The following HNRNPM variants were observed in gnomAD, a reference collection of about 807,000 sequenced individuals.
HNRNPM encodes the protein CEA receptor.
HNRNPM carries 11 observed loss-of-function variants against 73.1 expected under a neutral mutation model. That is an observed-to-expected ratio of 0.15 (90% CI 0.09 to 0.25). HNRNPM has a LOEUF of 0.25. HNRNPM is among the 10% of genes least tolerant of loss of function. HNRNPM has a pLI of 1.00. For synonymous variants in HNRNPM, 407 were observed against 355.2 expected (o/e 1.15, Z -1.64); for missense variants, 789 against 1,067.9 (o/e 0.74, Z 3.64).
In HNRNPM at chr19:8,462,171, G is replaced by A. The variant is rs991033267; in HGVS notation, c.284-358G>A. On this transcript the variant is annotated intron_variant, in intron 2 of 15. Coordinates refer to ENST00000325495, the MANE Select transcript of HNRNPM (RefSeq NM_005968.5). This position sits in a 1 kb window ranked among gnomAD's most constrained non-coding sequence, Gnocchi z 4.5. ...TCACCTGCTTGCCACCAATGAGAGC[G>A]TATGTGTAAAACCTCCTCCCTTCCC... The A allele has an allele frequency of 8.7e-6, 2 of 231,142 alleles. No homozygotes were observed. Among genetic ancestry groups the A allele is most frequent in the African/African-American group, 2.2e-5 (1 of 44,896 alleles). The allele number at this position is 231,142 out of a possible 1,614,324, so 14.3% of individuals were successfully genotyped here. A position where few individuals can be genotyped will look rare whatever the true frequency, so the allele number is the denominator to read the frequency against.
In HNRNPM at chr19:8,486,318, C is replaced by T. The variant is rs150750625; in HGVS notation, c.1890C>T (p.Phe630=). Residue 630 remains phenylalanine, a synonymous_variant, in exon 14 of 16, where the codon TTC becomes TTT. Transcript: ENST00000325495. ...DRAIEMERGN[F]GGSFAGSFGG... ...CCATCGAGATGGAGCGTGGCAACTT[C>T]GGAGGAAGCTTCGCAGGTTCCTTTG... 1.0e-4 allele frequency: 165 copies of T among 1,600,040 alleles called. No homozygotes were observed. The highest frequency in any genetic ancestry group is 6.8e-4 in the Admixed American group (41 of 60,020).
chr19:8,462,700 T>TTGA lies in HNRNPM; in HGVS notation c.336+121_336+123dup. 1.1e-6 allele frequency: 1 copy of TTGA among 872,332 alleles called. No homozygotes were observed. Among genetic ancestry groups the TTGA allele is most frequent in the Non-Finnish European group, 1.9e-6 (1 of 518,158 alleles). The allele number at this position is 872,332 out of a possible 1,614,324, so 54.0% of individuals were successfully genotyped here. A position where few individuals can be genotyped will look rare whatever the true frequency, so the allele number is the denominator to read the frequency against. On this transcript the variant is annotated intron_variant, in intron 3 of 15. Transcript: ENST00000325495. This position sits in a 1 kb window ranked among gnomAD's most constrained non-coding sequence, Gnocchi z 4.5. ...AGTGCTCATGTTACAGTAGCTATGT[T>TTGA]TGATTTTGCCAAACATTTGAGTGGG...
At chr19:8,472,268 A>G (rs1173773568) in intron 10 of HNRNPM, among the ~76,000 whole-genome samples, 1 of 151,008 alleles carries the variant, frequency 6.6e-6, no homozygotes, top group Admixed American at 6.6e-5. Context: ...GTAATGATGT[A>G]TTTTGATTCT....
rs151084883 is a variant in HNRNPM, at chr19:8,464,362, C to T, written c.438+676C>T. ...GTTGATTAAATCCCTCTTGGCTGGG[C>T]GCAGTGGCTCACGCCTGTAATCCCC... is the stretch of plus-strand genomic sequence containing the variant. On this transcript the variant is annotated intron_variant, in intron 5 of 15. Coordinates refer to ENST00000325495, the MANE Select transcript of HNRNPM (RefSeq NM_005968.5). Among the ~76,000 whole-genome samples, 126 of 152,258 alleles carry T rather than the reference C, an allele frequency of 8.3e-4. No individual in the cohort carries two copies. The East Asian group carries it at 0.014, about 17-fold the overall frequency.
chr19:8,450,443 C>T (rs961219980), intron 1 of HNRNPM, among the ~76,000 whole-genome samples: 3 of 152,122 alleles, frequency 2.0e-5, no homozygotes, highest in Non-Finnish European at 4.4e-5. Flanking sequence ...TGGAGTTTCA[C>T]TCTTGTCCCT....
rs778501992 is a variant in HNRNPM, at chr19:8,445,044, A to C, written c.46A>C (p.Ile16Leu). 1.3e-5 allele frequency: 18 copies of C among 1,429,898 alleles called. No individual in the cohort carries two copies. Among genetic ancestry groups the C allele is most frequent in the Admixed American group, 3.4e-5 (1 of 29,048 alleles). 88.6% of individuals were successfully genotyped at this position (1,429,898 alleles called of 1,614,324 possible). A position where few individuals can be genotyped will look rare whatever the true frequency, so the allele number is the denominator to read the frequency against. Residue 16 changes from isoleucine (I) to leucine (L), a missense_variant, in exon 1 of 16, where the codon ATC (isoleucine) becomes CTC (leucine). Physicochemically the swap from Ile to Leu is conservative, Grantham distance 5 (BLOSUM62 2). This residue lies in a region of HNRNPM where 79 missense variants were observed against 70.7 expected (regional missense o/e 1.12). Coordinates refer to ENST00000325495, the MANE Select transcript of HNRNPM (RefSeq NM_005968.5). The part of the protein sequence containing the change: ...EAAAEVAATE[I>L]KMEEESGAPG... ...GGCGGCGGAGGTGGCGGCGACGGAG[A>C]TCAAAATGGAGGAAGAGAGCGGCGC...
Position 8,488,857 on chromosome 19 carries a change from A to G in HNRNPM, c.*3A>G, listed in dbSNP as rs1971507215. 1 of 1,602,286 alleles carries G rather than the reference A, an allele frequency of 6.2e-7. No homozygotes were observed. The highest frequency in any genetic ancestry group is 8.5e-7 in the Non-Finnish European group (1 of 1,171,496). ...TTCGAATTGATAGAAACGCTTAAGC[A>G]GTTGCCTTTTTTAAACATCGATACG... On this transcript the variant is annotated 3_prime_UTR_variant, in exon 16 of 16. Coordinates refer to ENST00000325495, the MANE Select transcript of HNRNPM (RefSeq NM_005968.5).
intron 9 of HNRNPM, among the ~76,000 whole-genome samples, chr19:8,470,528 A>T (rs980443441): frequency 3.3e-5 from 5 of 151,784 alleles, no homozygotes; most frequent in African/African-American, 1.2e-4. Context: ...GGGTTTTGCC[A>T]TGTTGGCCAG....
chr19:8,456,720 T>C (rs931565781), intron 2 of HNRNPM, among the ~76,000 whole-genome samples: 3 of 152,176 alleles, frequency 2.0e-5, no homozygotes, highest in Non-Finnish European at 2.9e-5. Flanking sequence ...GACCATGACA[T>C]GCAAGAAGCA....
intron 9 of HNRNPM, among the ~76,000 whole-genome samples, chr19:8,469,539 T>C (rs1412458609): frequency 6.6e-6 from 1 of 152,172 alleles, no homozygotes; most frequent in African/African-American, 2.4e-5. Context: ...GATCAGCTAT[T>C]TGTGACACCC....
rs554534403 is a variant in HNRNPM, at chr19:8,476,040, C to T, written c.1120+1796C>T. On this transcript the variant is annotated intron_variant, in intron 12 of 15. Transcript: ENST00000325495. ...GGTTGGCCTGGGAGCTGTGCTGAGC[C>T]GTGTGACACAGTCGATGGTGAACTG... Among the ~76,000 whole-genome samples the T allele has an allele frequency of 5.9e-4, 89 of 151,584 alleles. 1 individual carries two copies. In the South Asian group the frequency reaches 0.011, roughly 20 times the overall value.
At chr19:8,471,450 C>G (rs1970130688) in intron 10 of HNRNPM, 23 bp downstream of exon 10, 1 of 1,444,578 alleles carries the variant, frequency 6.9e-7, no homozygotes, top group Non-Finnish European at 9.5e-7. Context: ...GTGCACCTTG[C>G]TTGGTGGTTT....
In HNRNPM at chr19:8,485,713, C is replaced by T. The variant is rs770127136; in HGVS notation, c.1285C>T (p.Arg429Cys). The T allele has an allele frequency of 3.1e-6, 5 of 1,606,618 alleles. No homozygotes were observed. The highest frequency in any genetic ancestry group is 1.7e-4 in the Middle Eastern group (1 of 6,060). ...MGAGLGHGMD[R>C]VGSEIERMGL... ...CGCGGGCCTGGGCCACGGCATGGAT[C>T]GCGTGGGCTCCGAGATCGAGCGCAT... Residue 429 changes from arginine to cysteine, a missense_variant, in exon 14 of 16, where the codon CGC becomes TGC. By Grantham distance (180) the Arg-to-Cys change is radical (BLOSUM62 -3). Around this residue, in one of 4 missense-constraint regions of HNRNPM, gnomAD observed 604 missense variants for 744.0 expected, o/e 0.81. Coordinates refer to ENST00000325495, the MANE Select transcript of HNRNPM (RefSeq NM_005968.5).
intron 10 of HNRNPM, among the ~76,000 whole-genome samples, chr19:8,472,544 A>C (rs369251170): frequency 2.0e-5 from 3 of 152,188 alleles, no homozygotes; most frequent in African/African-American, 7.2e-5. Context: ...TGGTGTTTTT[A>C]GGAACTGGTT....
intron 2 of HNRNPM, among the ~76,000 whole-genome samples, chr19:8,456,609 A>G (rs1969044898): frequency 6.6e-6 from 1 of 152,178 alleles, no homozygotes; most frequent in Admixed American, 6.5e-5. Flanking sequence ...AGTGACAGAG[A>G]TGCCCCGTGG....
Position 8,486,156 on chromosome 19 carries a change from C to T in HNRNPM, c.1728C>T (p.Leu576=), listed in dbSNP as rs933027262. The T allele has an allele frequency of 1.9e-5, 30 of 1,604,854 alleles. No homozygotes were observed. In the Admixed American group the frequency reaches 2.5e-4, roughly 13 times the overall value. Residue 576 remains leucine (L), a synonymous_variant, in exon 14 of 16, where the codon CTC becomes CTT. Transcript: ENST00000325495. The part of the protein sequence containing the change: ...MGLERMGANS[L]ERMGLERMGA... The stretch of plus-strand genomic sequence containing the variant: ...TGGAGCGCATGGGCGCCAACAGCCT[C>T]GAGCGCATGGGCCTGGAGCGCATGG...
At chr19:8,466,822 C>G (rs1201954589) in intron 7 of HNRNPM, among the ~76,000 whole-genome samples, 1 of 58,564 alleles carries the variant, frequency 1.7e-5, no homozygotes, top group Non-Finnish European at 3.5e-5. Flanking sequence ...GAGTGAGACT[C>G]AGTCTCAAAA....
intron 15 of HNRNPM, chr19:8,488,150 C>T (rs1294054057): frequency 6.6e-6 from 1 of 152,476 alleles, no homozygotes; most frequent in African/African-American, 2.4e-5. Flanking sequence ...TGCCCTGGGC[C>T]CTCTCTTAGG....
At chr19:8,460,642 G>A (rs1304940260) in intron 2 of HNRNPM, among the ~76,000 whole-genome samples, 1 of 152,210 alleles carries the variant, frequency 6.6e-6, no homozygotes, top group African/African-American at 2.4e-5. Flanking sequence ...TGGTTTCTGG[G>A]TTGCAATTAC....
Sources: allele counts gnomAD v4.1 joint callset (sites outside exome capture counted in the v4.1 genomes callset), GRCh38; gene constraint gnomAD v4.1.1; regional missense constraint gnomAD v4.1.1; non-coding constraint Gnocchi (gnomAD v3.1); transcripts MANE v1.5; gene names NCBI Gene and HGNC (gene_info 2026-07-23, HGNC 2026-07-21).